Variants in ZNF875 observed in about 807,000 individuals in gnomAD.
The protein encoded by ZNF875 is zinc finger protein 875.
In ZNF875, 14 loss-of-function variants were observed where a neutral mutation model predicts 11.2. The observed-to-expected ratio is 1.26, with a 90% CI of 0.83 to 1.96. The LOEUF (loss-of-function observed/expected upper bound fraction) is 1.96. Ranked by LOEUF, ZNF875 falls within the 30% of genes most tolerant of loss-of-function variation. ZNF875 has a pLI of 0.00. For missense variants in ZNF875, 752 were observed against 760.4 expected, an observed-to-expected ratio of 0.99 and a Z score of 0.13; for synonymous variants, 301 against 281.1, an observed-to-expected ratio of 1.07 and a Z score of -0.71.
chr19:37,331,790 TCCCCCAGCCCGACAC>T (rs1208708793), upstream of ZNF875, among the ~76,000 whole-genome samples: 47 of 132,056 alleles, frequency 3.6e-4, 1 homozygote, highest in East Asian at 4.7e-3. Context: ...GACCTGACCG[TCCCCCAGCCCGACAC>T]CCCCAGCCCG....
chr19:37,361,390 TCA>T (rs1197093276), intron 4 of ZNF875, among the ~76,000 whole-genome samples: 2 of 152,166 alleles, frequency 1.3e-5, no homozygotes, highest in Admixed American at 6.5e-5. Context: ...ACTACAGGCG[TCA>T]TAAGTTTTTG....
At chr19:37,317,973 G>C in exon 1 of ZNF875, 1 of 155,802 alleles carries the variant, frequency 6.4e-6, no homozygotes. Flanking sequence ...TGGGCTGTTC[G>C]GCCAAGCGCC....
upstream of ZNF875, among the ~76,000 whole-genome samples, chr19:37,316,043 T>C (rs1568553498): frequency 6.6e-6 from 1 of 152,214 alleles, no homozygotes; most frequent in African/African-American, 2.4e-5. Context: ...AACGTTTAAC[T>C]TATGCATTCA....
upstream of ZNF875, chr19:37,317,292 TCTC>T (rs1171746505): frequency 7.0e-6 from 1 of 142,314 alleles, no homozygotes; most frequent in Non-Finnish European, 1.5e-5. Flanking sequence ...TTCACGCCAT[TCTC>T]CTGCCTCAGC....
intron 2 of ZNF875, among the ~76,000 whole-genome samples, chr19:37,342,517 A>G (rs1043434516): frequency 1.3e-5 from 2 of 151,958 alleles, no homozygotes; most frequent in Non-Finnish European, 1.5e-5. Flanking sequence ...GGTTCAAGCA[A>G]TTCTCCTGCC....
intron 4 of ZNF875, among the ~76,000 whole-genome samples, chr19:37,352,033 A>G (rs1033371802): frequency 7.9e-5 from 12 of 152,296 alleles, no homozygotes; most frequent in Admixed American, 3.9e-4. Flanking sequence ...GGATTTGTCT[A>G]TGTCTCTGTA....
At chr19:37,347,896 CGGGATAA>C (rs765966427) in intron 4 of ZNF875, 24 bp downstream of exon 4, 8 of 1,350,874 alleles carry the variant, frequency 5.9e-6, no homozygotes, top group African/African-American at 4.3e-5. Context: ...GTGGGGTAGA[CGGGATAA>C]TCCACAGCTT....
chr19:37,322,340 G>A (rs2031637273), intron 2 of ZNF875: 1 of 152,114 alleles, frequency 6.6e-6, no homozygotes, highest in Non-Finnish European at 1.5e-5. Flanking sequence ...TAGATTCTCA[G>A]GGATATTTTC....
chr19:37,358,130 GATCT>G, intron 4 of ZNF875: 1 of 184,978 alleles, frequency 5.4e-6, no homozygotes. Context: ...CTATTAAGAT[GATCT>G]TTTTTTTTTT....
At chr19:37,358,117 C>T (rs1360430655) in intron 4 of ZNF875, 1 of 228,546 alleles carries the variant, frequency 4.4e-6, no homozygotes, top group Non-Finnish European at 8.2e-6. Context: ...GCTTTTTTTA[C>T]ATCTATTAAG....
chr19:37,342,601 G>A (rs1421825119), intron 2 of ZNF875, among the ~76,000 whole-genome samples: 4 of 151,800 alleles, frequency 2.6e-5, no homozygotes, highest in Non-Finnish European at 4.4e-5. Flanking sequence ...TAGTAGAGAC[G>A]GGGTTTCTCC....
At chr19:37,323,477 C>G (rs1325188269) in intron 2 of ZNF875, 1 of 152,036 alleles carries the variant, frequency 6.6e-6, no homozygotes, top group African/African-American at 2.4e-5. Flanking sequence ...AGGGCTTTCC[C>G]CAAGAAGGAA....
At chr19:37,353,323 C>CAAG (rs2038282646) in intron 4 of ZNF875, among the ~76,000 whole-genome samples, 1 of 152,210 alleles carries the variant, frequency 6.6e-6, no homozygotes, top group South Asian at 2.1e-4. Context: ...AAGAATCTCA[C>CAAG]AAGAGTATGT....
upstream of ZNF875, among the ~76,000 whole-genome samples, chr19:37,330,378 T>A (rs2033188843): frequency 6.6e-6 from 1 of 152,192 alleles, no homozygotes; most frequent in Non-Finnish European, 1.5e-5. Flanking sequence ...CTGTCAACCC[T>A]TGAATGTACC....
In ZNF875 at chr19:37,363,468, G is replaced by A. The variant is rs968056137; in HGVS notation, c.1616G>A (p.Cys539Tyr). Residue 539 changes from cysteine to tyrosine, a missense_variant, in exon 5 of 5, where the codon TGT becomes TAT. Physicochemically the swap from Cys to Tyr is radical, Grantham distance 194. Coordinates refer to ENST00000392153, the MANE Select transcript of ZNF875 (RefSeq NM_001353803.2). The stretch of plus-strand genomic sequence containing the variant: ...GAAAAGCCTTTTATGTGCAGGGAGT[G>A]TGGCAGAAGGTTTCGGCAGAAGCCT... Reference protein sequence around the residue: ...SGEKPFMCRECGRRFRQKPNL... With the variant: ...SGEKPFMCREYGRRFRQKPNL... 29 of 1,613,930 alleles carry A rather than the reference G, an allele frequency of 1.8e-5. No individual in the cohort carries two copies. Among genetic ancestry groups the A allele is most frequent in the Non-Finnish European group, 2.3e-5 (27 of 1,179,882 alleles).
At chr19:37,319,972 C>A (rs1268620072) in intron 1 of ZNF875, among the ~76,000 whole-genome samples, 1 of 152,130 alleles carries the variant, frequency 6.6e-6, no homozygotes, top group African/African-American at 2.4e-5. Flanking sequence ...CTGCAAGCTC[C>A]GCCTCCTGGG....
chr19:37,334,749 C>T lies in ZNF875; in HGVS notation c.-90C>T, dbSNP rs1039782957. ...CCTCTGCACCTTGTTACCTGACTTT[C>T]GGCTTCAGGATCCGCAGCGTGCACC... On this transcript the variant is annotated 5_prime_UTR_variant, in exon 1 of 5. Transcript: ENST00000392153. The T allele has an allele frequency of 2.2e-6, 1 of 456,258 alleles. No individual in the cohort carries two copies. Among genetic ancestry groups the T allele is most frequent in the Non-Finnish European group, 4.4e-6 (1 of 226,920 alleles). 28.3% of individuals were successfully genotyped at this position (456,258 alleles called of 1,614,324 possible). A position where few individuals can be genotyped will look rare whatever the true frequency, so the allele number is the denominator to read the frequency against.
intron 4 of ZNF875, chr19:37,325,145 T>A (rs936743199): frequency 6.6e-6 from 1 of 152,218 alleles, no homozygotes; most frequent in Non-Finnish European, 1.5e-5. Context: ...TTTTCACATT[T>A]TTATAAAGCT....
At chr19:37,322,789 G>C (rs547028075) in intron 2 of ZNF875, among the ~76,000 whole-genome samples, 1 of 152,268 alleles carries the variant, frequency 6.6e-6, no homozygotes, top group Non-Finnish European at 1.5e-5. Flanking sequence ...ACAGTTTACA[G>C]GGAAGCCCAT....
Sources: gnomAD v4.1 joint callset for allele counts (sites outside exome capture counted in the v4.1 genomes callset) on GRCh38, gnomAD v4.1.1 for gene constraint, MANE v1.5 for transcripts, NCBI Gene and HGNC (gene_info 2026-07-23, HGNC 2026-07-21) for gene names.